The following IL1RAPL2 variants were observed in gnomAD, a reference collection of about 807,000 sequenced individuals.
IL1RAPL2 encodes the protein interleukin 1 receptor accessory protein like 2, also known as X-linked interleukin-1 receptor accessory protein-like 2.
A neutral mutation model predicts 44.1 loss-of-function variants in IL1RAPL2; 3 were observed. The observed-to-expected ratio is 0.07, with a 90% CI of 0.03 to 0.18. The LOEUF (loss-of-function observed/expected upper bound fraction) is 0.18, where lower values mean the gene tolerates loss of function less well. Ranked by LOEUF, IL1RAPL2 falls within the 10% of genes least tolerant of loss-of-function variation. The pLI is 1.00. For synonymous variants in IL1RAPL2, 181 were observed against 178.8 expected, an observed-to-expected ratio of 1.01 and a Z score of -0.10; for missense variants, 391 against 496.4, an observed-to-expected ratio of 0.79 and a Z score of 2.02.
chrX:105,199,684 T>C (rs2033700506), intron 3 of IL1RAPL2, among the ~76,000 whole-genome samples: 1 of 111,498 alleles, frequency 9.0e-6, no homozygotes, highest in Non-Finnish European at 1.9e-5. Flanking sequence ...GAGTCAGAGG[T>C]TCTCAACTCA....
At chrX:105,674,965 CTGT>C (rs2037857459) in intron 6 of IL1RAPL2, among the ~76,000 whole-genome samples, 1 of 109,872 alleles carries the variant, frequency 9.1e-6, no homozygotes, top group Non-Finnish European at 1.9e-5. Flanking sequence ...CTCTGCTTGC[CTGT>C]TGTTGTTGTA....
rs1243132985 is a variant in IL1RAPL2, at chrX:104,916,131, T to A, written c.82+257136T>A. On this transcript the variant is annotated intron_variant, in intron 2 of 10. Coordinates refer to ENST00000372582, the MANE Select transcript of IL1RAPL2 (RefSeq NM_017416.2). ...AAAGTCATTGGTAGCTTGATGGGGA[T>A]GGCATTGAATCTATAAATTACCTTG... is the stretch of plus-strand genomic sequence containing the variant. Among the ~76,000 whole-genome samples, 4 of 111,901 alleles carry A rather than the reference T, an allele frequency of 3.6e-5. No individual in the cohort carries two copies. In the Admixed American group the frequency reaches 3.8e-4, roughly 11 times the overall value.
chrX:105,445,032 T>TTTTCTGGGAGAC (rs1455479588), intron 5 of IL1RAPL2, among the ~76,000 whole-genome samples: 1 of 111,967 alleles, frequency 8.9e-6, no homozygotes, highest in Non-Finnish European at 1.9e-5. Flanking sequence ...CAGGCTTTTC[T>TTTTCTGGGAGAC]TTTCTGGGAG....
At chrX:105,106,242 A>G (rs58814740) in intron 2 of IL1RAPL2, among the ~76,000 whole-genome samples, 1,585 of 111,481 alleles carry the variant, frequency 0.014, 31 homozygotes, top group African/African-American at 0.049. Context: ...TGTCACCTAA[A>G]AATGTATGAA....
intron 2 of IL1RAPL2, among the ~76,000 whole-genome samples, chrX:104,899,449 T>C (rs1009885873): frequency 9.0e-6 from 1 of 111,731 alleles, no homozygotes; most frequent in Non-Finnish European, 1.9e-5. Flanking sequence ...TACTTCTGGG[T>C]TTTAAATTAG....
intron 1 of IL1RAPL2, among the ~76,000 whole-genome samples, chrX:104,658,001 G>C (rs2148023114): frequency 8.9e-6 from 1 of 112,275 alleles, no homozygotes; most frequent in Non-Finnish European, 1.9e-5. Context: ...AAATAGGAAA[G>C]CTTTTACACC....
At chrX:104,841,837 C>T (rs1422875960) in intron 2 of IL1RAPL2, among the ~76,000 whole-genome samples, 1 of 110,098 alleles carries the variant, frequency 9.1e-6, no homozygotes, top group Non-Finnish European at 1.9e-5. Flanking sequence ...TCCTTCATTT[C>T]AAACTTGGAG....
intron 2 of IL1RAPL2, among the ~76,000 whole-genome samples, chrX:104,732,490 A>C (rs1422979554): frequency 8.9e-6 from 1 of 112,054 alleles, no homozygotes; most frequent in Non-Finnish European, 1.9e-5. Context: ...AATATCTTGA[A>C]AAACTTTGTA....
chrX:104,623,186 A>C (rs1205751746), intron 1 of IL1RAPL2, among the ~76,000 whole-genome samples: 1 of 111,411 alleles, frequency 9.0e-6, no homozygotes, highest in Non-Finnish European at 1.9e-5. Flanking sequence ...ATATGCTGTA[A>C]TCTGTTGGGA....
At chrX:104,858,846 A>G (rs2147646152) in intron 2 of IL1RAPL2, among the ~76,000 whole-genome samples, 1 of 112,085 alleles carries the variant, frequency 8.9e-6, no homozygotes, top group Admixed American at 9.5e-5. Flanking sequence ...TATCATCAAG[A>G]GTCAATGACC....
intron 2 of IL1RAPL2, among the ~76,000 whole-genome samples, chrX:105,090,322 A>G (rs2032528617): frequency 9.0e-6 from 1 of 111,693 alleles, no homozygotes; most frequent in Non-Finnish European, 1.9e-5. Context: ...CTCTGTATAC[A>G]CAGGTTTTGC....
At chrX:105,057,197 A>C in intron 2 of IL1RAPL2, among the ~76,000 whole-genome samples, 1 of 112,277 alleles carries the variant, frequency 8.9e-6, no homozygotes, top group Non-Finnish European at 1.9e-5. Context: ...ACAATATCCT[A>C]TTCTGTAAGC....
chrX:104,852,744 C>T (rs899901059), intron 2 of IL1RAPL2, among the ~76,000 whole-genome samples: 4 of 111,957 alleles, frequency 3.6e-5, no homozygotes, highest in Non-Finnish European at 5.6e-5. Context: ...CATTAAAACA[C>T]GAATTACATC....
At chrX:105,578,711 A>G (rs761889944) in intron 6 of IL1RAPL2, among the ~76,000 whole-genome samples, 9 of 111,701 alleles carry the variant, frequency 8.1e-5, no homozygotes, top group Non-Finnish European at 1.5e-4. Flanking sequence ...TACTGTTCCT[A>G]TCAGTAGGAT....
intron 5 of IL1RAPL2, among the ~76,000 whole-genome samples, chrX:105,461,468 AAGGGTT>A (rs2036092256): frequency 9.0e-6 from 1 of 111,070 alleles, no homozygotes; most frequent in African/African-American, 3.3e-5. Flanking sequence ...AGTGGCTTGA[AAGGGTT>A]AGTGCCATTT....
chrX:105,167,030 G>A (rs2033376903), intron 2 of IL1RAPL2, among the ~76,000 whole-genome samples: 2 of 111,821 alleles, frequency 1.8e-5, no homozygotes, highest in African/African-American at 6.5e-5. Context: ...ATTTCTCTTT[G>A]TCATCGTTAC....
intron 2 of IL1RAPL2, among the ~76,000 whole-genome samples, chrX:105,144,004 C>T (rs1329980770): frequency 9.4e-6 from 1 of 106,258 alleles, no homozygotes; most frequent in Admixed American, 1.0e-4. Flanking sequence ...CAAAACAAAA[C>T]AATAAACAAA....
intron 1 of IL1RAPL2, among the ~76,000 whole-genome samples, chrX:104,579,601 C>A (rs142556911): frequency 0.012 from 1,381 of 111,409 alleles, 31 homozygotes; most frequent in African/African-American, 0.042. Context: ...CTGGGGCCTA[C>A]TTGAGGGTGG....
chrX:105,548,054 A>G (rs1016951374), intron 6 of IL1RAPL2, among the ~76,000 whole-genome samples: 33 of 111,654 alleles, frequency 3.0e-4, no homozygotes, highest in Non-Finnish European at 5.1e-4. Flanking sequence ...GGTAACTTGC[A>G]TTCATTGGTG....
Sources: gnomAD v4.1 joint callset for allele counts (sites outside exome capture counted in the v4.1 genomes callset) on GRCh38, gnomAD v4.1.1 for gene constraint, MANE v1.5 for transcripts, NCBI Gene and HGNC (gene_info 2026-07-23, HGNC 2026-07-21) for gene names.